RNF220: variants seen among roughly 807,000 people sequenced by gnomAD.
RNF220 encodes ring finger protein 220.
In RNF220, 7 loss-of-function variants were observed where a neutral mutation model predicts 67.1. The observed-to-expected ratio is 0.10, with a 90% CI of 0.06 to 0.20. The LOEUF is 0.20. Among genes scored for constraint, RNF220 ranks in the 10% least tolerant of loss-of-function variants. The pLI is 1.00. For synonymous variants in RNF220, 270 were observed against 283.2 expected, an observed-to-expected ratio of 0.95 and a Z score of 0.47; for missense variants, 565 against 740.3, an observed-to-expected ratio of 0.76 and a Z score of 2.75.
intron 4 of RNF220, among the ~76,000 whole-genome samples, chr1:44,625,736 A>G (rs1452845155): frequency 6.6e-6 from 1 of 152,064 alleles, no homozygotes. Context: ...CTGCAGGCGT[A>G]TGTAGAAGAG....
At chr1:44,543,227 C>T (rs1475215281) in intron 2 of RNF220, among the ~76,000 whole-genome samples, 5 of 152,130 alleles carry the variant, frequency 3.3e-5, no homozygotes, top group African/African-American at 4.8e-5. Context: ...GCCGGCTACC[C>T]CCTCCCCCTT....
intron 8 of RNF220, among the ~76,000 whole-genome samples, chr1:44,639,348 A>G (rs1042045041): frequency 1.3e-5 from 2 of 152,180 alleles, no homozygotes; most frequent in South Asian, 2.1e-4. Flanking sequence ...AGTTCACCCA[A>G]CTGCATTGGG....
chr1:44,511,573 T>C (rs897560422), intron 2 of RNF220, among the ~76,000 whole-genome samples: 10 of 152,252 alleles, frequency 6.6e-5, no homozygotes, highest in African/African-American at 2.4e-4. Context: ...TGTGCAAAAA[T>C]CGTTCCTGAT....
chr1:44,537,844 C>T (rs1031958716), intron 2 of RNF220, among the ~76,000 whole-genome samples: 7 of 152,184 alleles, frequency 4.6e-5, no homozygotes, highest in African/African-American at 1.7e-4. Context: ...CTGTGCACTG[C>T]GCCTCTGCCA....
In RNF220 at chr1:44,565,021, A is replaced by T. The variant is rs913108265; in HGVS notation, c.626-49144A>T. On this transcript the variant is annotated intron_variant, in intron 2 of 14. Coordinates refer to ENST00000361799, the MANE Select transcript of RNF220 (RefSeq NM_018150.4). This position sits in a 1 kb window ranked among gnomAD's most constrained non-coding sequence, Gnocchi z 4.2. ...CATAGCATGGGCCTGGCCTGAATCAACTCTATCCTTAGCACATAGCATGGG... is the reference window on the plus strand; with the variant it reads ...CATAGCATGGGCCTGGCCTGAATCATCTCTATCCTTAGCACATAGCATGGG... Among the ~76,000 whole-genome samples, 3 of 150,584 alleles carry T rather than the reference A, an allele frequency of 2.0e-5. No homozygotes were observed. Among genetic ancestry groups the T allele is most frequent in the African/African-American group, 7.3e-5 (3 of 41,122 alleles).
chr1:44,603,516 T>C (rs1054166530), intron 2 of RNF220, among the ~76,000 whole-genome samples: 2 of 152,262 alleles, frequency 1.3e-5, no homozygotes, highest in Non-Finnish European at 2.9e-5. Context: ...GAGGTGACCA[T>C]TGTTGGCTCC....
At chr1:44,456,331 T>C (rs1364885410) in intron 2 of RNF220, among the ~76,000 whole-genome samples, 4 of 152,206 alleles carry the variant, frequency 2.6e-5, no homozygotes, top group Admixed American at 2.6e-4. Context: ...TCAGATTATA[T>C]GAATTTTGTG....
Position 44,430,102 on chromosome 1 carries a change from A to G in RNF220, c.625+17380A>G, listed in dbSNP as rs2147863248. ...AAAAAAAAAAACCTCATAGAAAAAA[A>G]GATACATTCATGTCTATCTTTATAT... On this transcript the variant is annotated intron_variant, in intron 2 of 14. Transcript: ENST00000361799. 1.3e-5 allele frequency among the ~76,000 whole-genome samples: 2 copies of G among 151,900 alleles called. 1 individual carries two copies. The highest frequency in any genetic ancestry group is 4.1e-4 in the South Asian group (2 of 4,826).
intron 2 of RNF220, among the ~76,000 whole-genome samples, chr1:44,602,844 A>G (rs531521790): frequency 2.6e-5 from 4 of 152,118 alleles, no homozygotes; most frequent in East Asian, 1.9e-4. Flanking sequence ...AATTTGCTCA[A>G]TCGTCCCCTG....
chr1:44,459,649 T>C (rs955504882), intron 2 of RNF220, among the ~76,000 whole-genome samples: 1 of 152,138 alleles, frequency 6.6e-6, no homozygotes, highest in South Asian at 2.1e-4. Context: ...GAAAGGCATG[T>C]AGAGTGGGAA....
chr1:44,543,385 G>A (rs2148228932), intron 2 of RNF220, among the ~76,000 whole-genome samples: 1 of 152,318 alleles, frequency 6.6e-6, no homozygotes, highest in Admixed American at 6.5e-5. Flanking sequence ...GAACTCAGCA[G>A]GCCTGGGGCC....
intron 6 of RNF220, 35 bp downstream of exon 6, chr1:44,632,420 C>CCCGGCCT: frequency 6.4e-7 from 1 of 1,564,996 alleles, no homozygotes; most frequent in South Asian, 1.2e-5. Context: ...CCGCCCCACC[C>CCCGGCCT]CCGGCCTCCT....
chr1:44,646,415 G>A (rs1206599688), intron 12 of RNF220, among the ~76,000 whole-genome samples: 1 of 152,266 alleles, frequency 6.6e-6, no homozygotes, highest in African/African-American at 2.4e-5. Context: ...GGGCCGCGGC[G>A]CAGGGCCCGG....
intron 2 of RNF220, among the ~76,000 whole-genome samples, chr1:44,418,522 C>T (rs1438894035): frequency 2.0e-5 from 3 of 152,180 alleles, no homozygotes; most frequent in South Asian, 2.1e-4. Flanking sequence ...GCAGCCAGCA[C>T]AGCGGGGCTC....
chr1:44,414,579 G>A (rs886117495), intron 2 of RNF220, among the ~76,000 whole-genome samples: 1 of 152,138 alleles, frequency 6.6e-6, no homozygotes, highest in African/African-American at 2.4e-5. Flanking sequence ...TAACTCTTCT[G>A]TTTGCCTGGT....
At chr1:44,639,489 A>G (rs1644426671) in intron 8 of RNF220, among the ~76,000 whole-genome samples, 1 of 152,246 alleles carries the variant, frequency 6.6e-6, no homozygotes, top group Non-Finnish European at 1.5e-5. Context: ...GAAGCTTCAC[A>G]GGAAATGGAA....
At chr1:44,648,197 GT>G (rs1644700697) in intron 12 of RNF220, 1 of 152,204 alleles carries the variant, frequency 6.6e-6, no homozygotes, top group African/African-American at 2.4e-5. Context: ...AGTCTGCCAG[GT>G]TTGAATCCCA....
At chr1:44,470,613 C>T (rs1354286474) in intron 2 of RNF220, among the ~76,000 whole-genome samples, 1 of 152,190 alleles carries the variant, frequency 6.6e-6, no homozygotes, top group Non-Finnish European at 1.5e-5. Context: ...TGATCCCTCA[C>T]ATTTGTAGTT....
Position 44,412,828 on chromosome 1 carries a change from C to A in RNF220, c.625+106C>A. 7.9e-7 allele frequency: 1 copy of A among 1,269,814 alleles called. No individual in the cohort carries two copies. The highest frequency in any genetic ancestry group is 1.1e-6 in the Non-Finnish European group (1 of 909,568). The allele number at this position is 1,269,814 out of a possible 1,614,324, so 78.7% of individuals were successfully genotyped here. On this transcript the variant is annotated intron_variant, in intron 2 of 14. Transcript: ENST00000361799. The surrounding 1 kb of genome is among the most constrained non-coding windows in gnomAD (Gnocchi z 5.3). ...GCATGCTCCTAGTAATAGGAAGGGC[C>A]AACTACTTCCCTTTCACTAGCTGTG...
Sources: allele counts gnomAD v4.1 joint callset (sites outside exome capture counted in the v4.1 genomes callset), GRCh38; gene constraint gnomAD v4.1.1; non-coding constraint Gnocchi (gnomAD v3.1); transcripts MANE v1.5; gene names NCBI Gene and HGNC (gene_info 2026-07-23, HGNC 2026-07-21).